The following FHIT variants were observed in gnomAD, a reference collection of about 807,000 sequenced individuals.
FHIT encodes the protein bis(5'-adenosyl)-triphosphatase.
FHIT carries 19 observed loss-of-function variants against 17.9 expected under a neutral mutation model. The observed-to-expected ratio is 1.06, with a 90% CI of 0.74 to 1.56. The LOEUF is 1.56. Among genes scored for constraint, FHIT ranks in the 40% most tolerant of loss-of-function variants. FHIT has a pLI of 0.00. For synonymous variants in FHIT, 81 were observed against 69.7 expected, an observed-to-expected ratio of 1.16 and a Z score of -0.81; for missense variants, 248 against 189.2, an observed-to-expected ratio of 1.31 and a Z score of -1.82.
chr3:60,449,980 C>CTCT (rs1194987358), intron 5 of FHIT, among the ~76,000 whole-genome samples: 3 of 124,680 alleles, frequency 2.4e-5, no homozygotes, highest in Non-Finnish European at 4.7e-5. Flanking sequence ...TCCAGCCTGG[C>CTCT]GACAGAGCTA....
intron 5 of FHIT, among the ~76,000 whole-genome samples, chr3:60,400,853 C>T (rs1026366469): frequency 6.6e-6 from 1 of 151,978 alleles, no homozygotes; most frequent in African/African-American, 2.4e-5. Context: ...CTCTAAAAAA[C>T]AAAATTGAAT....
At chr3:60,161,490 G>C (rs1470693507) in intron 5 of FHIT, among the ~76,000 whole-genome samples, 1 of 152,160 alleles carries the variant, frequency 6.6e-6, no homozygotes, top group Non-Finnish European at 1.5e-5. Flanking sequence ...CTTAAGGCCT[G>C]AGCTCAGTCC....
intron 5 of FHIT, among the ~76,000 whole-genome samples, chr3:60,455,772 A>G (rs2032051289): frequency 6.6e-6 from 1 of 152,160 alleles, no homozygotes; most frequent in Non-Finnish European, 1.5e-5. Flanking sequence ...TAGTAGCTGC[A>G]TGCCCAAATG....
intron 3 of FHIT, among the ~76,000 whole-genome samples, chr3:60,865,277 A>G (rs998820956): frequency 1.3e-5 from 2 of 152,188 alleles, no homozygotes; most frequent in Non-Finnish European, 2.9e-5. Context: ...GGCTATTTAA[A>G]TTTAAATAAG....
intron 3 of FHIT, among the ~76,000 whole-genome samples, chr3:60,989,496 G>A (rs987661214): frequency 4.6e-5 from 7 of 152,234 alleles, no homozygotes; most frequent in African/African-American, 7.2e-5. Context: ...AGGATTCAAT[G>A]TATATCTTTC....
intron 3 of FHIT, among the ~76,000 whole-genome samples, chr3:60,835,441 G>T (rs1702503118): frequency 6.6e-6 from 1 of 152,066 alleles, no homozygotes; most frequent in Admixed American, 6.6e-5. Flanking sequence ...TTTTATAAAT[G>T]TTTTATTGGA....
intron 3 of FHIT, among the ~76,000 whole-genome samples, chr3:60,926,870 G>A (rs1316306337): frequency 6.6e-6 from 1 of 152,094 alleles, no homozygotes; most frequent in Non-Finnish European, 1.5e-5. Context: ...TGATAAAGGG[G>A]ATATCACCAC....
chr3:61,182,405 G>T (rs1248487442), intron 2 of FHIT, among the ~76,000 whole-genome samples: 4 of 152,128 alleles, frequency 2.6e-5, no homozygotes, highest in African/African-American at 9.6e-5. Flanking sequence ...ACTCAATTCT[G>T]CCAGTCTAAA....
intron 2 of FHIT, among the ~76,000 whole-genome samples, chr3:61,063,856 G>A (rs2034513513): frequency 6.6e-6 from 1 of 152,208 alleles, no homozygotes; most frequent in Non-Finnish European, 1.5e-5. Flanking sequence ...TCCAAATTAT[G>A]ATTTCAATGT....
At chr3:61,203,176 T>A (rs1469735098) in intron 1 of FHIT, among the ~76,000 whole-genome samples, 1 of 35,426 alleles carries the variant, frequency 2.8e-5, no homozygotes, top group East Asian at 6.3e-4. Context: ...CGAGACTCCG[T>A]CTCAAAAAAA....
chr3:59,821,814 T>C (rs994932838), intron 8 of FHIT, among the ~76,000 whole-genome samples: 2 of 152,180 alleles, frequency 1.3e-5, no homozygotes, highest in African/African-American at 4.8e-5. Flanking sequence ...TTTTTTTATT[T>C]CCATAGGTTT....
At chr3:60,077,727 C>CATATATATATAT (rs1441319713) in intron 5 of FHIT, among the ~76,000 whole-genome samples, 2 of 76,306 alleles carry the variant, frequency 2.6e-5, no homozygotes, top group Admixed American at 1.1e-4. Flanking sequence ...CACACACACA[C>CATATATATATAT]ACATATATAG....
At chr3:60,159,604 A>G (rs563820131) in intron 5 of FHIT, among the ~76,000 whole-genome samples, 20 of 152,292 alleles carry the variant, frequency 1.3e-4, no homozygotes, top group African/African-American at 4.6e-4. Context: ...TAATAGTAAC[A>G]CTCAATGCTT....
intron 3 of FHIT, among the ~76,000 whole-genome samples, chr3:60,927,669 C>T (rs1030135128): frequency 6.6e-6 from 1 of 151,412 alleles, no homozygotes; most frequent in Non-Finnish European, 1.5e-5. Context: ...TCTGCCTGGC[C>T]GCCACCCCGT....
rs373147285 is a variant in FHIT at position 61,152,227 on chromosome 3, A to C, written c.-164+48390T>G. 2.6e-5 allele frequency among the ~76,000 whole-genome samples: 4 copies of C among 152,266 alleles called. No homozygotes were observed. In the East Asian group the frequency reaches 5.8e-4, roughly 22 times the overall value. On this transcript the variant is annotated intron_variant, in intron 2 of 9. Transcript: ENST00000492590. ...AGTGAAGGGAAAGTAGATCAGGGAG[A>C]TAGAAAAAGAGGCCAAACCCTTGAA...
chr3:60,912,143 T>A (rs1706778959), intron 3 of FHIT, among the ~76,000 whole-genome samples: 1 of 152,142 alleles, frequency 6.6e-6, no homozygotes, highest in Non-Finnish European at 1.5e-5. Flanking sequence ...AGGAAAAATA[T>A]GTATACTACT....
chr3:60,563,496 G>A (rs1473847377), intron 4 of FHIT, among the ~76,000 whole-genome samples: 1 of 152,200 alleles, frequency 6.6e-6, no homozygotes, highest in Admixed American at 6.5e-5. Context: ...AAGAAGGCAT[G>A]CCAGAAGCCA....
chr3:61,215,921 C>T (rs2039659292), intron 1 of FHIT, among the ~76,000 whole-genome samples: 1 of 152,138 alleles, frequency 6.6e-6, no homozygotes, highest in Non-Finnish European at 1.5e-5. Context: ...ATAAATGGTG[C>T]TGGGAAAACT....
chr3:60,278,895 G>A (rs1466459502), intron 5 of FHIT, among the ~76,000 whole-genome samples: 19 of 152,014 alleles, frequency 1.2e-4, no homozygotes, highest in Non-Finnish European at 2.9e-5. Context: ...ACAATGCTTT[G>A]CAGGAAATTT....
Sources: gnomAD v4.1 joint callset for allele counts (sites outside exome capture counted in the v4.1 genomes callset) on GRCh38, gnomAD v4.1.1 for gene constraint, MANE v1.5 for transcripts, NCBI Gene and HGNC (gene_info 2026-07-23, HGNC 2026-07-21) for gene names.